Variants in AACS observed in about 807,000 individuals in gnomAD.
The protein encoded by AACS is acetoacetyl-CoA synthetase.
AACS carries 69 observed loss-of-function variants against 83.1 expected under a neutral mutation model. The observed-to-expected ratio is 0.83, with a 90% CI of 0.68 to 1.01. The LOEUF (loss-of-function observed/expected upper bound fraction) is 1.01. Ranked by LOEUF, AACS falls within the 50% of genes least tolerant of loss-of-function variation. The pLI is 0.00. For synonymous variants in AACS, 333 were observed against 343.4 expected (o/e 0.97, Z 0.33); for missense variants, 866 against 882.2 (o/e 0.98, Z 0.23).
rs1956641526 is a variant in AACS, at chr12:125,097,826, T to C, written c.571-4853T>C. Among the ~76,000 whole-genome samples the C allele has an allele frequency of 6.6e-6, 1 of 152,192 alleles. No individual in the cohort carries two copies. The highest frequency in any genetic ancestry group is 2.4e-5 in the African/African-American group (1 of 41,446). ...ACCCTGCCAAACCAGGAGCTCGGGC[T>C]GTGCGCCACACCCTTTCACTCCCTT... On this transcript the variant is annotated intron_variant, in intron 5 of 17. Coordinates refer to ENST00000316519, the MANE Select transcript of AACS (RefSeq NM_023928.5). This position sits in a 1 kb window ranked among gnomAD's most constrained non-coding sequence, Gnocchi z 4.3.
chr12:125,116,045 C>T (rs1234553089), intron 9 of AACS, among the ~76,000 whole-genome samples: 1 of 152,140 alleles, frequency 6.6e-6, no homozygotes, highest in Non-Finnish European at 1.5e-5. Flanking sequence ...ACAAATGATT[C>T]AGGTTTTTTT....
In AACS at chr12:125,140,846, A is replaced by T. The variant is rs942716682; in HGVS notation, c.1882-1246A>T. 6.6e-6 allele frequency: 1 copy of T among 152,184 alleles called. No homozygotes were observed. Among genetic ancestry groups the T allele is most frequent in the Non-Finnish European group, 1.5e-5 (1 of 68,038 alleles). 9.4% of individuals were successfully genotyped at this position (152,184 alleles called of 1,614,324 possible). On this transcript the variant is annotated intron_variant, in intron 17 of 17. Transcript: ENST00000316519. This position sits in a 1 kb window ranked among gnomAD's most constrained non-coding sequence, Gnocchi z 5.1. ...AGGAGGAGTTCATGGGAGCTTGGGGACACTCTTGCCTCTAGTTCTAGGAAG... is the reference window on the plus strand; with the variant it reads ...AGGAGGAGTTCATGGGAGCTTGGGGTCACTCTTGCCTCTAGTTCTAGGAAG...
chr12:125,124,734 GGCTGTCAGT>G lies in AACS; in HGVS notation c.1156_1164del (p.Ser386_Leu388del). On this transcript the variant is annotated inframe_deletion, in exon 11 of 18. Transcript: ENST00000316519. ...ACTGTCCTGGTAACTGGGGCCAAGT[GGCTGTCAGT>G]GCTGGAAGAGAAGGCCATGAAGCCG... The G allele has an allele frequency of 2.5e-6, 4 of 1,614,154 alleles. No homozygotes were observed. The South Asian group carries it at 3.3e-5, about 13-fold the overall frequency.
chr12:125,088,865 C>T (rs1456815880), intron 4 of AACS, among the ~76,000 whole-genome samples: 1 of 152,176 alleles, frequency 6.6e-6, no homozygotes, highest in Admixed American at 6.5e-5. Flanking sequence ...ACGGATTTGA[C>T]CTGATCATAG....
chr12:125,131,612 A>G (rs959995330), intron 14 of AACS, among the ~76,000 whole-genome samples: 6 of 152,046 alleles, frequency 3.9e-5, no homozygotes, highest in Non-Finnish European at 8.8e-5. Context: ...TTATGAGCCC[A>G]TTTTGGTTTT....
chr12:125,143,156 G>A lies in AACS; in HGVS notation c.*927G>A, dbSNP rs537053750. Reference sequence around the variant, plus strand: ...GTTGGTATGTACAATTCAGTTCAGCGTATGAACTTGTATCTCTAATCTGAT... The same window carrying A: ...GTTGGTATGTACAATTCAGTTCAGCATATGAACTTGTATCTCTAATCTGAT... On this transcript the variant is annotated 3_prime_UTR_variant, in exon 18 of 18. Transcript: ENST00000316519. 5 of 152,350 alleles carry A rather than the reference G, an allele frequency of 3.3e-5. No homozygotes were observed. In the South Asian group the frequency reaches 6.2e-4, roughly 19 times the overall value. The allele number at this position is 152,350 out of a possible 1,614,324, so 9.4% of individuals were successfully genotyped here.
At chr12:125,134,167 C>G (rs1395651919) in intron 15 of AACS, 95 bp downstream of exon 15, 4 of 1,364,122 alleles carry the variant, frequency 2.9e-6, no homozygotes, top group Non-Finnish European at 4.0e-6. Flanking sequence ...AGTCAGTGAC[C>G]CCCTTCCTGG....
chr12:125,098,533 C>T (rs930258437), intron 5 of AACS, among the ~76,000 whole-genome samples: 1 of 151,736 alleles, frequency 6.6e-6, no homozygotes, highest in South Asian at 2.1e-4. Flanking sequence ...CTCACTGCAA[C>T]CTCTGCCTCC....
At chr12:125,108,016 G>A (rs576636046) in intron 8 of AACS, among the ~76,000 whole-genome samples, 2 of 152,256 alleles carry the variant, frequency 1.3e-5, no homozygotes, top group African/African-American at 4.8e-5. Context: ...AGAGGTATGG[G>A]TGGTGTTCTG....
At chr12:125,111,293 T>C (rs1956948347) in intron 8 of AACS, among the ~76,000 whole-genome samples, 1 of 139,698 alleles carries the variant, frequency 7.2e-6, no homozygotes, top group Non-Finnish European at 1.5e-5. Context: ...TTTAGAAATC[T>C]TGCAGACAAG....
Position 125,129,602 on chromosome 12 carries a change from T to TG in AACS, c.1549+148dup. On this transcript the variant is annotated intron_variant, in intron 14 of 17. Coordinates refer to ENST00000316519, the MANE Select transcript of AACS (RefSeq NM_023928.5). This position sits in a 1 kb window ranked among gnomAD's most constrained non-coding sequence, Gnocchi z 4.3. Reference sequence around the variant, plus strand: ...AGCTGCTTATAGTTCATTCCGCCAGTGGGGGGATAATGAATTTTTGATCAA... The same window carrying TG: ...AGCTGCTTATAGTTCATTCCGCCAGTGGGGGGGATAATGAATTTTTGATCAA... 2.7e-6 allele frequency: 3 copies of TG among 1,095,574 alleles called. No individual in the cohort carries two copies. Among genetic ancestry groups the TG allele is most frequent in the Non-Finnish European group, 3.9e-6 (3 of 774,512 alleles). The allele number at this position is 1,095,574 out of a possible 1,614,324, so 67.9% of individuals were successfully genotyped here.
rs961995666 is a variant in AACS at position 125,112,313 on chromosome 12, T to A, written c.916-2164T>A. On this transcript the variant is annotated intron_variant, in intron 8 of 17. Transcript: ENST00000316519. Reference sequence around the variant, plus strand: ...TTAAACTCCACCCTGCAGCTCAGCTTCCAGAGCCCGGAGGCAGCCTTGGGG... The same window carrying A: ...TTAAACTCCACCCTGCAGCTCAGCTACCAGAGCCCGGAGGCAGCCTTGGGG... Among the ~76,000 whole-genome samples, 5 of 152,124 alleles carry A rather than the reference T, an allele frequency of 3.3e-5. 1 individual carries two copies. Among genetic ancestry groups the A allele is most frequent in the African/African-American group, 1.2e-4 (5 of 41,422 alleles).
At chr12:125,092,135 A>C (rs573011996) in intron 5 of AACS, among the ~76,000 whole-genome samples, 20 of 152,240 alleles carry the variant, frequency 1.3e-4, no homozygotes, top group African/African-American at 4.8e-4. Flanking sequence ...AAGCAGCCGC[A>C]GAGCGGGTCT....
Position 125,140,345 on chromosome 12 carries a change from T to C in AACS, c.1882-1747T>C, listed in dbSNP as rs1003413719. 6.6e-6 allele frequency: 1 copy of C among 152,228 alleles called. No individual in the cohort carries two copies. The highest frequency in any genetic ancestry group is 2.1e-4 in the South Asian group (1 of 4,834). The allele number at this position is 152,228 out of a possible 1,614,324, so 9.4% of individuals were successfully genotyped here. On this transcript the variant is annotated intron_variant, in intron 17 of 17. Transcript: ENST00000316519. The surrounding 1 kb of genome is among the most constrained non-coding windows in gnomAD (Gnocchi z 5.1). ...TTTCCCCTCTCCCCAGAGGAAATGG[T>C]AGCAGGATTTCTTTTAAGAGGATGC...
intron 9 of AACS, among the ~76,000 whole-genome samples, chr12:125,116,260 G>A (rs1363451942): frequency 6.6e-6 from 1 of 152,152 alleles, no homozygotes; most frequent in East Asian, 1.9e-4. Flanking sequence ...GCAGGATTCG[G>A]CTGCCTCCCT....
chr12:125,138,934 G>A (rs993408384), intron 17 of AACS: 1 of 152,260 alleles, frequency 6.6e-6, no homozygotes, highest in Non-Finnish European at 1.5e-5. Flanking sequence ...GGTCAGAAGA[G>A]GACAACTGAG....
intron 3 of AACS, among the ~76,000 whole-genome samples, chr12:125,085,377 G>A (rs929713553): frequency 1.3e-5 from 2 of 152,002 alleles, no homozygotes; most frequent in African/African-American, 2.4e-5. Flanking sequence ...CGTGCACGTT[G>A]CATCCACATC....
In AACS at chr12:125,113,871, A is replaced by G. The variant is rs1427756285; in HGVS notation, c.916-606A>G. On this transcript the variant is annotated intron_variant, in intron 8 of 17. Coordinates refer to ENST00000316519, the MANE Select transcript of AACS (RefSeq NM_023928.5). The surrounding 1 kb of genome is among the most constrained non-coding windows in gnomAD (Gnocchi z 4.8). ...GCAAATACATTGCCTATTAAGCACC[A>G]AAATTAAAAGGTAATAGGGCATAGT... Among the ~76,000 whole-genome samples, 1 of 152,170 alleles carries G rather than the reference A, an allele frequency of 6.6e-6. No individual in the cohort carries two copies. Among genetic ancestry groups the G allele is most frequent in the Non-Finnish European group, 1.5e-5 (1 of 68,032 alleles).
chr12:125,078,847 C>G (rs1413594603), intron 3 of AACS, among the ~76,000 whole-genome samples: 2 of 137,078 alleles, frequency 1.5e-5, no homozygotes, highest in Admixed American at 1.5e-4. Context: ...AAAAAAAAAG[C>G]CTCCTCTGCA....
Sources: gnomAD v4.1 joint callset for allele counts (sites outside exome capture counted in the v4.1 genomes callset) on GRCh38, gnomAD v4.1.1 for gene constraint, Gnocchi (gnomAD v3.1) non-coding constraint, MANE v1.5 for transcripts, NCBI Gene and HGNC (gene_info 2026-07-23, HGNC 2026-07-21) for gene names.